Variants in STARD13 observed in about 807,000 individuals in gnomAD.
STARD13 encodes StAR related lipid transfer domain containing 13, also known as stAR-related lipid transfer protein 13.
A neutral mutation model predicts 106.4 loss-of-function variants in STARD13; 62 were observed. The observed-to-expected ratio is 0.58, with a 90% CI of 0.48 to 0.72. The LOEUF is 0.72. Ranked by LOEUF, STARD13 falls within the 30% of genes least tolerant of loss-of-function variation. The probability of loss-of-function intolerance (pLI) is 0.00; values close to 1 mark genes in which losing one functional copy is unlikely to be tolerated. For missense variants in STARD13, 1,387 were observed against 1,424.0 expected, an observed-to-expected ratio of 0.97 and a Z score of 0.42; for synonymous variants, 565 against 553.0, an observed-to-expected ratio of 1.02 and a Z score of -0.31.
intron 1 of STARD13, among the ~76,000 whole-genome samples, chr13:33,207,383 T>C (rs900857059): frequency 6.6e-6 from 1 of 151,976 alleles, no homozygotes; most frequent in Non-Finnish European, 1.5e-5. Flanking sequence ...ACAACTGGAG[T>C]CTGTCAAATA....
chr13:33,501,396 C>T, the STARD13 span, among the ~76,000 whole-genome samples: 1 of 152,014 alleles, frequency 6.6e-6, no homozygotes, highest in Admixed American at 6.6e-5. Context: ...TAATTGGATC[C>T]CATTTGTCTA....
At chr13:33,247,070 G>A (rs536528642) in intron 1 of STARD13, among the ~76,000 whole-genome samples, 6 of 152,236 alleles carry the variant, frequency 3.9e-5, no homozygotes, top group Non-Finnish European at 5.9e-5. Context: ...GGTGACACAT[G>A]CCTGTAGTCC....
intron 1 of STARD13, among the ~76,000 whole-genome samples, chr13:33,303,623 T>C (rs1169703353): frequency 6.6e-6 from 1 of 152,190 alleles, no homozygotes; most frequent in Non-Finnish European, 1.5e-5. Context: ...TATTCTGTTA[T>C]ATACTGGAAT....
chr13:33,410,464 A>G, the STARD13 span, among the ~76,000 whole-genome samples: 1 of 152,334 alleles, frequency 6.6e-6, no homozygotes, highest in African/African-American at 2.4e-5. Flanking sequence ...CCATGAGGCC[A>G]ATGTTTATAG....
intron 1 of STARD13, among the ~76,000 whole-genome samples, chr13:33,244,313 C>G (rs1488484027): frequency 6.6e-6 from 1 of 151,948 alleles, no homozygotes; most frequent in Non-Finnish European, 1.5e-5. Context: ...AGTCACATTA[C>G]TGGGAAATAG....
chr13:33,430,720 A>T, the STARD13 span, among the ~76,000 whole-genome samples: 1 of 152,242 alleles, frequency 6.6e-6, no homozygotes, highest in Non-Finnish European at 1.5e-5. Context: ...GTATATATAC[A>T]CCATGGAATA....
At chr13:33,596,073 A>G in the STARD13 span, among the ~76,000 whole-genome samples, 2 of 152,198 alleles carry the variant, frequency 1.3e-5, no homozygotes, top group Non-Finnish European at 1.5e-5. Flanking sequence ...ATTATCCAAT[A>G]TGTGATTTCA....
Position 33,130,379 on chromosome 13 carries a change from C to T in STARD13, c.388-90G>A, listed in dbSNP as rs1023274742. The T allele has an allele frequency of 2.4e-6, 3 of 1,253,916 alleles. No homozygotes were observed. The highest frequency in any genetic ancestry group is 3.3e-6 in the Non-Finnish European group (3 of 898,612). The allele number at this position is 1,253,916 out of a possible 1,614,324, so 77.7% of individuals were successfully genotyped here. On this transcript the variant is annotated intron_variant, in intron 4 of 13. Coordinates refer to ENST00000336934, the MANE Select transcript of STARD13 (RefSeq NM_178006.4). The surrounding 1 kb of genome is among the most constrained non-coding windows in gnomAD (Gnocchi z 4.1). Reference sequence around the variant, plus strand: ...TCTGAGGGCAGCCCTGTGTGGTCCTCCACCTCCCTCCCCTCTGTCCTCCCA... The same window carrying T: ...TCTGAGGGCAGCCCTGTGTGGTCCTTCACCTCCCTCCCCTCTGTCCTCCCA...
intron 1 of STARD13, among the ~76,000 whole-genome samples, chr13:33,242,149 G>T (rs944591597): frequency 8.6e-5 from 13 of 151,798 alleles, no homozygotes; most frequent in Non-Finnish European, 1.5e-4. Flanking sequence ...GTCTCTGACC[G>T]GCCGCCCCGT....
chr13:33,187,420 A>T lies in STARD13; in HGVS notation c.170-19798T>A, dbSNP rs566453941. On this transcript the variant is annotated intron_variant, in intron 1 of 13. Transcript: ENST00000336934. Reference sequence around the variant, plus strand: ...TTATCTGCAACTTCAGAAAGGGTGGAGAGTGAAAGAAATAAAAAGCAAATT... The same window carrying T: ...TTATCTGCAACTTCAGAAAGGGTGGTGAGTGAAAGAAATAAAAAGCAAATT... 1.8e-4 allele frequency among the ~76,000 whole-genome samples: 28 copies of T among 152,328 alleles called. 1 individual carries two copies. Among genetic ancestry groups the T allele is most frequent in the African/African-American group, 6.0e-4 (25 of 41,572 alleles).
intron 1 of STARD13, among the ~76,000 whole-genome samples, chr13:33,199,059 TAA>T (rs1390526279): frequency 6.6e-6 from 1 of 152,216 alleles, no homozygotes; most frequent in Admixed American, 6.5e-5. Flanking sequence ...ATTACACACT[TAA>T]AGTCTTTGTG....
At chr13:33,332,280 A>G (rs1200283025) in intron 1 of STARD13, among the ~76,000 whole-genome samples, 1 of 152,116 alleles carries the variant, frequency 6.6e-6, no homozygotes, top group Non-Finnish European at 1.5e-5. Flanking sequence ...AGATCTCTGA[A>G]TGTCCCTGCT....
At chr13:33,304,346 G>T (rs1467070663) in intron 1 of STARD13, among the ~76,000 whole-genome samples, 2 of 151,880 alleles carry the variant, frequency 1.3e-5, no homozygotes, top group Non-Finnish European at 2.9e-5. Context: ...AAAGACATAG[G>T]GTCTATTTTC....
upstream of STARD13, among the ~76,000 whole-genome samples, chr13:33,286,864 G>A (rs534391416): frequency 9.2e-5 from 14 of 151,794 alleles, no homozygotes; most frequent in African/African-American, 2.2e-4. Context: ...ATATATATAC[G>A]TGTATATATA....
the STARD13 span, among the ~76,000 whole-genome samples, chr13:33,444,285 T>C: frequency 6.6e-6 from 1 of 152,344 alleles, no homozygotes; most frequent in Non-Finnish European, 1.5e-5. Context: ...CCAAGAACTC[T>C]AGAACTGTAA....
At chr13:33,128,569 C>T (rs917985142) in intron 5 of STARD13, among the ~76,000 whole-genome samples, 4 of 152,118 alleles carry the variant, frequency 2.6e-5, no homozygotes, top group Non-Finnish European at 4.4e-5. Context: ...TTTTGATGAA[C>T]GCATCACAGG....
chr13:33,638,105 A>C, the STARD13 span, among the ~76,000 whole-genome samples: 1 of 152,238 alleles, frequency 6.6e-6, no homozygotes, highest in Non-Finnish European at 1.5e-5. Context: ...TCTGAGCCAA[A>C]TATGAGTGAC....
chr13:33,213,520 G>A (rs895161757), intron 1 of STARD13, among the ~76,000 whole-genome samples: 5 of 152,200 alleles, frequency 3.3e-5, no homozygotes, highest in African/African-American at 1.2e-4. Context: ...CTTTGTTTCT[G>A]TTGCCAAGGA....
At chr13:33,138,848 G>A in intron 4 of STARD13, 2 of 479,370 alleles carry the variant, frequency 4.2e-6, no homozygotes, top group South Asian at 3.0e-5. Flanking sequence ...AATCCTTAAA[G>A]GGTCCCTTTT....
Sources: gnomAD v4.1 joint callset for allele counts (sites outside exome capture counted in the v4.1 genomes callset) on GRCh38, gnomAD v4.1.1 for gene constraint, Gnocchi (gnomAD v3.1) non-coding constraint, MANE v1.5 for transcripts, NCBI Gene and HGNC (gene_info 2026-07-23, HGNC 2026-07-21) for gene names.